LARGE1: variants seen among roughly 807,000 people sequenced by gnomAD.
LARGE1 encodes xylosyl- and glucuronyltransferase LARGE1.
Under a neutral mutation model 87.6 loss-of-function variants are expected in LARGE1, and 43 were observed. The observed-to-expected ratio is 0.49, with a 90% CI of 0.38 to 0.63. LARGE1 has a LOEUF of 0.63. Ranked by LOEUF, LARGE1 falls within the 30% of genes least tolerant of loss-of-function variation. LARGE1 has a pLI of 0.00. For missense variants in LARGE1, 802 were observed against 1,000.2 expected, an observed-to-expected ratio of 0.80 and a Z score of 2.67; for synonymous variants, 434 against 394.6, an observed-to-expected ratio of 1.10 and a Z score of -1.18.
intron 6 of LARGE1, among the ~76,000 whole-genome samples, chr22:33,435,375 A>G (rs1417979430): frequency 6.6e-6 from 1 of 152,150 alleles, no homozygotes; most frequent in Non-Finnish European, 1.5e-5. Flanking sequence ...GCACCCACAG[A>G]CCTCATTTAT....
intron 1 of LARGE1, among the ~76,000 whole-genome samples, chr22:33,784,498 C>T (rs905703035): frequency 4.6e-5 from 7 of 152,084 alleles, no homozygotes; most frequent in African/African-American, 7.2e-5. Flanking sequence ...ACTAACTTCT[C>T]GCTTAAATTT....
At chr22:33,337,610 C>A in intron 10 of LARGE1, 36 bp downstream of exon 10, 1 of 1,612,156 alleles carries the variant, frequency 6.2e-7, no homozygotes, top group Non-Finnish European at 8.5e-7. Context: ...AGCAGAGAAG[C>A]CGCCCCTTCC....
Position 33,565,751 on chromosome 22 carries a change from C to T in LARGE1, c.616-732G>A, listed in dbSNP as rs1406612328. 4.1e-5 allele frequency among the ~76,000 whole-genome samples: 5 copies of T among 123,456 alleles called. No homozygotes were observed. In the East Asian group the frequency reaches 1.1e-3, roughly 27 times the overall value. 81.0% of individuals were successfully genotyped at this position (123,456 alleles called of 152,430 possible). On this transcript the variant is annotated intron_variant, in intron 5 of 14. Transcript: ENST00000397394. ...ACACATAGGACAGAAATGAACCACC[C>T]ATGGAGCACTGACATTATGATCCTC...
chr22:33,268,776 C>T (rs1439308510), downstream of LARGE1, among the ~76,000 whole-genome samples: 1 of 152,128 alleles, frequency 6.6e-6, no homozygotes, highest in Admixed American at 6.6e-5. Context: ...CTTTCATTGT[C>T]TGGTAATAAG....
chr22:33,713,348 A>G (rs1305907062), intron 2 of LARGE1, among the ~76,000 whole-genome samples: 1 of 152,196 alleles, frequency 6.6e-6, no homozygotes, highest in African/African-American at 2.4e-5. Context: ...ATTAAAATGT[A>G]TCCCTAAACA....
chr22:33,604,517 G>C lies in LARGE1; in HGVS notation c.533C>G (p.Ala178Gly), dbSNP rs377460238. Residue 178 changes from alanine to glycine, a missense_variant, in exon 5 of 15, where the codon GCG (alanine) becomes GGG (glycine). Around this residue, in one of 2 missense-constraint regions of LARGE1, gnomAD observed 625 missense variants for 841.9 expected, o/e 0.74. Coordinates refer to ENST00000397394, the MANE Select transcript of LARGE1 (RefSeq NM_133642.5). ...GAAGAGCGTGGCCAGGATCTGCTCC[G>C]CAATGGAGTCAGCAATAAGGTGGAA... ...LHFHLIADSI[A>G]EQILATLFQT... 6.2e-7 allele frequency: 1 copy of C among 1,614,100 alleles called. No homozygotes were observed. Among genetic ancestry groups the C allele is most frequent in the Non-Finnish European group, 8.5e-7 (1 of 1,179,990 alleles).
In LARGE1 at chr22:33,616,348, A is replaced by C. The variant is rs562997552; in HGVS notation, c.491+9896T>G. 3.9e-5 allele frequency among the ~76,000 whole-genome samples: 6 copies of C among 152,176 alleles called. 1 individual carries two copies. In the South Asian group the frequency reaches 1.2e-3, roughly 32 times the overall value. ...ATGGCGAAACCCTGTCTCTCCCAAAAACAAAAAAATAAGAAAATTTAAAAA... is the reference window on the plus strand; with the variant it reads ...ATGGCGAAACCCTGTCTCTCCCAAACACAAAAAAATAAGAAAATTTAAAAA... On this transcript the variant is annotated intron_variant, in intron 4 of 14. Transcript: ENST00000397394.
chr22:33,499,744 T>C (rs918335493), intron 6 of LARGE1, among the ~76,000 whole-genome samples: 1 of 152,166 alleles, frequency 6.6e-6, no homozygotes, highest in African/African-American at 2.4e-5. Context: ...TGTGTTGTAA[T>C]AGGTATTAGA....
intron 6 of LARGE1, among the ~76,000 whole-genome samples, chr22:33,451,683 C>T (rs979689183): frequency 1.3e-5 from 2 of 151,876 alleles, no homozygotes; most frequent in Admixed American, 6.6e-5. Flanking sequence ...CTCAGCCTCC[C>T]GAGTAGCTGG....
chr22:33,596,516 T>G (rs988010990), intron 5 of LARGE1, among the ~76,000 whole-genome samples: 3 of 152,132 alleles, frequency 2.0e-5, no homozygotes, highest in African/African-American at 7.2e-5. Flanking sequence ...TGGTAATTTT[T>G]CCAGACCTGC....
At chr22:33,482,792 C>A (rs1046530391) in intron 6 of LARGE1, among the ~76,000 whole-genome samples, 3 of 152,072 alleles carry the variant, frequency 2.0e-5, no homozygotes, top group Non-Finnish European at 4.4e-5. Context: ...ACTGTAGGCA[C>A]CCTATTTAAA....
At chr22:33,104,933 TTCTTTCTTTCTTTCTCTTTC>T in the LARGE1 span, among the ~76,000 whole-genome samples, 18 of 119,486 alleles carry the variant, frequency 1.5e-4, no homozygotes, top group East Asian at 1.1e-3. Context: ...CTTTCTTTCT[TTCTTTCTTTCTTTCTCTTTC>T]TCTCTTTCTC....
chr22:33,442,846 G>A (rs1301109852), intron 6 of LARGE1, among the ~76,000 whole-genome samples: 2 of 150,466 alleles, frequency 1.3e-5, no homozygotes, highest in African/African-American at 4.9e-5. Context: ...AGGCTGGAGT[G>A]CAGTGGCACT....
chr22:33,331,908 G>C (rs1937760625), intron 10 of LARGE1, among the ~76,000 whole-genome samples: 1 of 151,976 alleles, frequency 6.6e-6, no homozygotes, highest in Non-Finnish European at 1.5e-5. Context: ...AGTCTTCCTC[G>C]ATGCACCTTC....
the LARGE1 span, among the ~76,000 whole-genome samples, chr22:33,132,162 A>G: frequency 2.0e-5 from 3 of 152,020 alleles, no homozygotes; most frequent in Non-Finnish European, 4.4e-5. Context: ...CTTCATAACT[A>G]TTTATTTGTG....
chr22:33,304,147 G>A, intron 12 of LARGE1, 82 bp downstream of exon 12: 1 of 1,492,972 alleles, frequency 6.7e-7, no homozygotes, highest in East Asian at 2.3e-5. Flanking sequence ...ACTAGATGAT[G>A]ACCCTAAGGG....
upstream of LARGE1, among the ~76,000 whole-genome samples, chr22:33,921,080 G>A (rs888159972): frequency 1.3e-5 from 2 of 150,090 alleles, no homozygotes; most frequent in Non-Finnish European, 3.0e-5. The surrounding 1 kb of genome is among the most constrained non-coding windows in gnomAD (Gnocchi z 4.1). Context: ...CGGGGGCGGG[G>A]CCGGCGCCCG....
At chr22:33,567,926 T>C (rs943575426) in intron 5 of LARGE1, among the ~76,000 whole-genome samples, 1 of 152,254 alleles carries the variant, frequency 6.6e-6, no homozygotes, top group African/African-American at 2.4e-5. Context: ...TCCATGTTGC[T>C]ACACTTACTT....
At chr22:33,465,471 A>G (rs1413293433) in intron 6 of LARGE1, among the ~76,000 whole-genome samples, 1 of 152,228 alleles carries the variant, frequency 6.6e-6, no homozygotes, top group Non-Finnish European at 1.5e-5. Context: ...TCCCAAGTAG[A>G]ACATATGCCA....
Sources: gnomAD v4.1 joint callset for allele counts (sites outside exome capture counted in the v4.1 genomes callset) on GRCh38, gnomAD v4.1.1 for gene constraint, gnomAD v4.1.1 regional missense constraint, Gnocchi (gnomAD v3.1) non-coding constraint, MANE v1.5 for transcripts, NCBI Gene and HGNC (gene_info 2026-07-23, HGNC 2026-07-21) for gene names.